Variants in CALN1 observed in about 807,000 individuals in gnomAD.
CALN1 encodes the protein calcium-binding protein 8.
In CALN1, 17 loss-of-function variants were observed where a neutral mutation model predicts 30.6. The ratio of observed to expected loss-of-function variants is 0.56; its 90% CI spans 0.38 to 0.83. The LOEUF (loss-of-function observed/expected upper bound fraction) is 0.83. Ranked by LOEUF, CALN1 falls within the 40% of genes least tolerant of loss-of-function variation. CALN1 has a pLI of 0.00. For synonymous variants in CALN1, 156 were observed against 131.4 expected, an observed-to-expected ratio of 1.19 and a Z score of -1.28; for missense variants, 291 against 354.9, an observed-to-expected ratio of 0.82 and a Z score of 1.45.
At chr7:72,298,123 T>C (rs1279749126) in intron 2 of CALN1, among the ~76,000 whole-genome samples, 3 of 152,232 alleles carry the variant, frequency 2.0e-5, no homozygotes, top group Non-Finnish European at 4.4e-5. Context: ...AGCGGTGATT[T>C]CCTCAATCTT....
At chr7:72,152,994 G>A (rs371229899) in intron 3 of CALN1, among the ~76,000 whole-genome samples, 54 of 152,318 alleles carry the variant, frequency 3.5e-4, no homozygotes, top group African/African-American at 1.2e-3. Context: ...TTTCATGGCT[G>A]AGTATCAATC....
chr7:72,344,787 T>C (rs1266752754), intron 2 of CALN1, among the ~76,000 whole-genome samples: 1 of 147,440 alleles, frequency 6.8e-6, no homozygotes, highest in Non-Finnish European at 1.5e-5. Context: ...TCAAAACGTA[T>C]ATTAACCAGC....
At chr7:71,842,293 G>A (rs1033184369) in intron 5 of CALN1, among the ~76,000 whole-genome samples, 2 of 152,188 alleles carry the variant, frequency 1.3e-5, no homozygotes, top group African/African-American at 2.4e-5. Flanking sequence ...CCTGCCCTGC[G>A]GGAGCATAAA....
intron 5 of CALN1, among the ~76,000 whole-genome samples, chr7:71,936,176 G>A (rs924457947): frequency 3.3e-5 from 5 of 151,960 alleles, no homozygotes; most frequent in East Asian, 1.9e-4. Flanking sequence ...GGGCCTCTTC[G>A]GCATGGCTAC....
chr7:71,922,189 A>G (rs1794980530), intron 5 of CALN1, among the ~76,000 whole-genome samples: 1 of 152,160 alleles, frequency 6.6e-6, no homozygotes, highest in Non-Finnish European at 1.5e-5. Context: ...TTGAAAGTAA[A>G]ATGGATTCTC....
intron 3 of CALN1, among the ~76,000 whole-genome samples, chr7:72,201,502 G>C (rs565831854): frequency 2.6e-5 from 4 of 151,608 alleles, no homozygotes; most frequent in African/African-American, 9.7e-5. Context: ...GAGGCAGGAG[G>C]ATCGCTTGAA....
At chr7:72,035,504 G>T (rs1377532631) in intron 4 of CALN1, among the ~76,000 whole-genome samples, 1 of 152,100 alleles carries the variant, frequency 6.6e-6, no homozygotes, top group Non-Finnish European at 1.5e-5. Context: ...GTTTCCACAT[G>T]CCTTAAGGCT....
chr7:71,890,747 T>TTTC (rs1491169266), intron 5 of CALN1, among the ~76,000 whole-genome samples: 2 of 3,884 alleles, frequency 5.1e-4, no homozygotes, highest in African/African-American at 2.0e-3. Flanking sequence ...GTTTTCTAGC[T>TTTC]TTTTTTTTTT....
Position 71,851,208 on chromosome 7 carries a change from AACACACACAC to A in CALN1, c.502-40726_502-40717del, listed in dbSNP as rs56041427. Among the ~76,000 whole-genome samples, 120 of 132,174 alleles carry A rather than the reference AACACACACAC, an allele frequency of 9.1e-4. 1 individual carries two copies. The highest frequency in any genetic ancestry group is 2.3e-3 in the African/African-American group (81 of 34,754). The allele number at this position is 132,174 out of a possible 152,430, so 86.7% of individuals were successfully genotyped here. A position where few individuals can be genotyped will look rare whatever the true frequency, so the allele number is the denominator to read the frequency against. ...GGCGACAGAGAGAGACCTTGTCTCAAACACACACACACACACACACACACACACACACACA... is the reference window on the plus strand; with the variant it reads ...GGCGACAGAGAGAGACCTTGTCTCAAACACACACACACACACACACACACA... On this transcript the variant is annotated intron_variant, in intron 5 of 6. Coordinates refer to ENST00000395275, the MANE Select transcript of CALN1 (RefSeq NM_031468.4).
chr7:72,290,552 T>A (rs1444813112), intron 2 of CALN1, among the ~76,000 whole-genome samples: 2 of 152,198 alleles, frequency 1.3e-5, no homozygotes, highest in Non-Finnish European at 2.9e-5. Context: ...CCTTGAACAG[T>A]TATGCAAGCA....
chr7:72,426,618 AC>A (rs1225277395), intron 1 of CALN1, among the ~76,000 whole-genome samples: 1 of 152,192 alleles, frequency 6.6e-6, no homozygotes, highest in Non-Finnish European at 1.5e-5. Context: ...ATGAACTAAT[AC>A]ATCTACTATA....
At chr7:72,483,444 C>T in the CALN1 span, among the ~76,000 whole-genome samples, 2 of 152,004 alleles carry the variant, frequency 1.3e-5, no homozygotes, top group East Asian at 1.9e-4. Flanking sequence ...ACCACCATGC[C>T]CAGCTAATTT....
At chr7:72,304,406 G>A (rs978768942) in intron 2 of CALN1, among the ~76,000 whole-genome samples, 2 of 152,152 alleles carry the variant, frequency 1.3e-5, no homozygotes, top group Non-Finnish European at 2.9e-5. Context: ...GTGTTCGGGG[G>A]CCAGGAAGGG....
At chr7:72,082,329 A>C (rs564452645) in intron 4 of CALN1, among the ~76,000 whole-genome samples, 8 of 152,084 alleles carry the variant, frequency 5.3e-5, no homozygotes, top group Non-Finnish European at 1.2e-4. Context: ...CACATTCCAA[A>C]ATGCCGCAGC....
chr7:72,429,199 A>G (rs1807894994), intron 1 of CALN1, among the ~76,000 whole-genome samples: 2 of 152,242 alleles, frequency 1.3e-5, no homozygotes, highest in African/African-American at 4.8e-5. Context: ...ATCAATGGAC[A>G]CCAACCTCAA....
chr7:72,229,809 C>T (rs781518191), intron 3 of CALN1, among the ~76,000 whole-genome samples: 14 of 151,958 alleles, frequency 9.2e-5, no homozygotes, highest in Admixed American at 2.6e-4. Flanking sequence ...GGAAGGAGAG[C>T]ATTAGGACAA....
chr7:71,857,500 G>C (rs932590458), intron 5 of CALN1, among the ~76,000 whole-genome samples: 2 of 152,100 alleles, frequency 1.3e-5, no homozygotes, highest in African/African-American at 4.8e-5. Flanking sequence ...TCAAAGGATT[G>C]CTCCTTTAGA....
intron 5 of CALN1, among the ~76,000 whole-genome samples, chr7:71,985,966 G>A (rs1798650798): frequency 6.6e-6 from 1 of 152,062 alleles, no homozygotes; most frequent in Non-Finnish European, 1.5e-5. Flanking sequence ...CATGGTATGA[G>A]ACTGGATGTA....
chr7:72,388,617 TAA>T (rs1380816168), intron 2 of CALN1, among the ~76,000 whole-genome samples: 2 of 152,168 alleles, frequency 1.3e-5, no homozygotes, highest in African/African-American at 4.8e-5. Flanking sequence ...AAAACCGTTC[TAA>T]AAAAAGTTTA....
Sources: allele counts gnomAD v4.1 joint callset (sites outside exome capture counted in the v4.1 genomes callset), GRCh38; gene constraint gnomAD v4.1.1; transcripts MANE v1.5; gene names NCBI Gene and HGNC (gene_info 2026-07-23, HGNC 2026-07-21).